Variants in PPP2R2B observed in about 807,000 individuals in gnomAD.
The protein encoded by PPP2R2B is serine/threonine-protein phosphatase 2A 55 kDa regulatory subunit B beta isoform.
Under a neutral mutation model 46.0 loss-of-function variants are expected in PPP2R2B, and 5 were observed. That is an observed-to-expected ratio of 0.11 (90% CI 0.06 to 0.23). The LOEUF (loss-of-function observed/expected upper bound fraction) is 0.23. Ranked by LOEUF, PPP2R2B falls within the 10% of genes least tolerant of loss-of-function variation. The pLI is 1.00. For synonymous variants in PPP2R2B, 215 were observed against 206.7 expected (o/e 1.04, Z -0.34); for missense variants, 367 against 575.0 (o/e 0.64, Z 3.70).
chr5:146,620,212 G>A (rs1242273610), intron 7 of PPP2R2B, among the ~76,000 whole-genome samples: 1 of 152,234 alleles, frequency 6.6e-6, no homozygotes, highest in African/African-American at 2.4e-5. Flanking sequence ...GAAAGGGGAA[G>A]CGAAAACCTG....
At chr5:146,975,753 T>C (rs1403173497) in intron 1 of PPP2R2B, among the ~76,000 whole-genome samples, 1 of 152,228 alleles carries the variant, frequency 6.6e-6, no homozygotes, top group African/African-American at 2.4e-5. Flanking sequence ...GAACCTCTTT[T>C]CCTATGCTTG....
chr5:146,800,700 ACTC>A (rs1004394516), intron 2 of PPP2R2B, among the ~76,000 whole-genome samples: 1 of 151,280 alleles, frequency 6.6e-6, no homozygotes, highest in African/African-American at 2.4e-5. Context: ...ACCTTTCTGT[ACTC>A]CTGCCCTTCG....
intron 2 of PPP2R2B, among the ~76,000 whole-genome samples, chr5:146,830,128 C>T (rs1243794406): frequency 6.6e-6 from 1 of 152,138 alleles, no homozygotes; most frequent in African/African-American, 2.4e-5. Context: ...TTACATTTTA[C>T]TTCATTACTG....
chr5:146,906,576 C>G (rs1342702997), intron 1 of PPP2R2B, among the ~76,000 whole-genome samples: 1 of 152,220 alleles, frequency 6.6e-6, no homozygotes, highest in Non-Finnish European at 1.5e-5. Context: ...CCTGCCTCGG[C>G]CTCCCAAAGT....
At chr5:146,991,127 T>A (rs1186088682) in intron 1 of PPP2R2B, among the ~76,000 whole-genome samples, 5 of 152,132 alleles carry the variant, frequency 3.3e-5, no homozygotes, top group South Asian at 2.1e-4. Context: ...TTCGTAGGAA[T>A]GTAAATTAGT....
chr5:147,022,918 A>C (rs2151886201), intron 1 of PPP2R2B, among the ~76,000 whole-genome samples: 1 of 152,298 alleles, frequency 6.6e-6, no homozygotes, highest in South Asian at 2.1e-4. Flanking sequence ...AAAGAAAAAA[A>C]GTTGAGTGAA....
chr5:146,659,116 G>A (rs1277882131), intron 5 of PPP2R2B, among the ~76,000 whole-genome samples: 1 of 151,998 alleles, frequency 6.6e-6, no homozygotes, highest in Non-Finnish European at 1.5e-5. Flanking sequence ...ATAATATGAA[G>A]CTTTTGACTT....
chr5:146,861,057 T>TC (rs1760961811), intron 2 of PPP2R2B, among the ~76,000 whole-genome samples: 1 of 97,176 alleles, frequency 1.0e-5, no homozygotes, highest in African/African-American at 4.9e-5. Flanking sequence ...ATTTTTTCTT[T>TC]TTTTTTTTTT....
At chr5:146,715,421 T>C (rs1190945558) in intron 2 of PPP2R2B, among the ~76,000 whole-genome samples, 1 of 152,184 alleles carries the variant, frequency 6.6e-6, no homozygotes, top group East Asian at 1.9e-4. Context: ...TAGTTTTTCT[T>C]TGAAACTACC....
chr5:146,591,310 G>A (rs322470), intron 9 of PPP2R2B, among the ~76,000 whole-genome samples: 15,532 of 152,180 alleles, frequency 0.1, 1,895 homozygotes, highest in African/African-American at 0.3. Flanking sequence ...TTTTGGGCAC[G>A]TTGTCACCTG....
chr5:147,059,923 G>A (rs1157208561), upstream of PPP2R2B, among the ~76,000 whole-genome samples: 5 of 152,030 alleles, frequency 3.3e-5, no homozygotes. Flanking sequence ...TGAAGCCCAC[G>A]TCTTACAGAA....
intron 1 of PPP2R2B, among the ~76,000 whole-genome samples, chr5:146,895,296 CG>C (rs1221138089): frequency 6.6e-6 from 1 of 152,180 alleles, no homozygotes; most frequent in African/African-American, 2.4e-5. Context: ...GCAGACAAGT[CG>C]GCCCCCTGCC....
intron 5 of PPP2R2B, among the ~76,000 whole-genome samples, chr5:146,687,929 G>A (rs987496522): frequency 1.3e-5 from 2 of 152,090 alleles, no homozygotes; most frequent in African/African-American, 4.8e-5. Context: ...ACAGGGAAGG[G>A]AAAAAAAGAC....
At chr5:146,920,434 G>A (rs1015119276) in intron 1 of PPP2R2B, among the ~76,000 whole-genome samples, 1 of 152,176 alleles carries the variant, frequency 6.6e-6, no homozygotes, top group Admixed American at 6.5e-5. Context: ...TTAAAGCACA[G>A]TAGGCATCTG....
Position 146,600,272 on chromosome 5 carries a change from G to A in PPP2R2B, c.960+19C>T. 1 of 1,611,358 alleles carries A rather than the reference G, an allele frequency of 6.2e-7. No homozygotes were observed. Among genetic ancestry groups the A allele is most frequent in the Non-Finnish European group, 8.5e-7 (1 of 1,178,806 alleles). On this transcript the variant is annotated intron_variant, in intron 8 of 9. Coordinates refer to ENST00000394411, the MANE Select transcript of PPP2R2B (RefSeq NM_181675.4). ...GAAGGGAATGTTCAATATACCTATG[G>A]GTGCCTGGGGTTCTATACCTGGTAA... is the stretch of plus-strand genomic sequence containing the variant.
At chr5:146,615,539 A>T (rs1190641660) in intron 7 of PPP2R2B, among the ~76,000 whole-genome samples, 3 of 150,310 alleles carry the variant, frequency 2.0e-5, no homozygotes, top group Admixed American at 2.0e-4. Flanking sequence ...AAGAAAAAAA[A>T]AACTATTAGA....
Position 146,855,637 on chromosome 5 carries a change from G to T in PPP2R2B, c.70+22365C>A, listed in dbSNP as rs974635935. ...TTATTAAAGGGAGCTCTTCTCTTCT[G>T]AATGTTGTACTCTTTGATCTCTCTC... is the stretch of plus-strand genomic sequence containing the variant. On this transcript the variant is annotated intron_variant, in intron 2 of 9. Coordinates refer to ENST00000394411, the MANE Select transcript of PPP2R2B (RefSeq NM_181675.4). Among the ~76,000 whole-genome samples, 57 of 152,116 alleles carry T rather than the reference G, an allele frequency of 3.7e-4. 1 individual carries two copies. The highest frequency in any genetic ancestry group is 1.0e-3 in the Admixed American group (16 of 15,270).
At chr5:146,750,333 A>G (rs889616562) in intron 2 of PPP2R2B, among the ~76,000 whole-genome samples, 1 of 152,204 alleles carries the variant, frequency 6.6e-6, no homozygotes, top group African/African-American at 2.4e-5. Flanking sequence ...ATTTATAAAA[A>G]TCTTGGTGGG....
intron 2 of PPP2R2B, among the ~76,000 whole-genome samples, chr5:146,828,263 A>ATTT (rs1362523331): frequency 7.1e-5 from 10 of 141,478 alleles, no homozygotes; most frequent in South Asian, 2.2e-4. Context: ...ACTTTTTTTA[A>ATTT]AAAAAAAAAA....
Sources: gnomAD v4.1 joint callset for allele counts (sites outside exome capture counted in the v4.1 genomes callset) on GRCh38, gnomAD v4.1.1 for gene constraint, MANE v1.5 for transcripts, NCBI Gene and HGNC (gene_info 2026-07-23, HGNC 2026-07-21) for gene names.